Variants in TENM2 observed in about 807,000 individuals in gnomAD.
TENM2 encodes teneurin transmembrane protein 2.
Under a neutral mutation model 245.2 loss-of-function variants are expected in TENM2, and 52 were observed. The observed-to-expected ratio is 0.21, with a 90% confidence interval of 0.17 to 0.27. The LOEUF (loss-of-function observed/expected upper bound fraction) is 0.27. Ranked by LOEUF, TENM2 falls within the 10% of genes least tolerant of loss-of-function variation. TENM2 has a pLI of 1.00. For missense variants in TENM2, 3,046 were observed against 3,666.8 expected (o/e 0.83, Z 4.37); for synonymous variants, 1,363 against 1,438.9 (o/e 0.95, Z 1.19).
At chr5:167,619,446 G>C (rs749909290) in intron 2 of TENM2, among the ~76,000 whole-genome samples, 5 of 152,116 alleles carry the variant, frequency 3.3e-5, no homozygotes, top group Non-Finnish European at 7.4e-5. Context: ...ACCTAGAGGA[G>C]GGCATTATGG....
the TENM2 span, among the ~76,000 whole-genome samples, chr5:167,010,907 C>T: frequency 6.6e-6 from 1 of 152,102 alleles, no homozygotes; most frequent in South Asian, 2.1e-4. Flanking sequence ...GTGGTTTGCT[C>T]AGTACTTTAT....
intron 2 of TENM2, among the ~76,000 whole-genome samples, chr5:167,723,222 ACATCCTTG>A (rs932885859): frequency 3.9e-5 from 6 of 152,110 alleles, no homozygotes; most frequent in Non-Finnish European, 8.8e-5. Context: ...TTTTATTAAA[ACATCCTTG>A]CATGGTGACT....
intron 20 of TENM2, among the ~76,000 whole-genome samples, chr5:168,212,709 C>G (rs1488157913): frequency 6.6e-6 from 1 of 152,180 alleles, no homozygotes; most frequent in East Asian, 1.9e-4. Flanking sequence ...ATAGGCACCC[C>G]ATTTGAGCCA....
chr5:167,722,329 T>C (rs115380265), intron 2 of TENM2, among the ~76,000 whole-genome samples: 3,381 of 152,274 alleles, frequency 0.022, 109 homozygotes, highest in African/African-American at 0.074. Context: ...ATGCAAAGGA[T>C]GCTATGGTCA....
chr5:166,986,923 T>A, the TENM2 span, among the ~76,000 whole-genome samples: 9 of 147,388 alleles, frequency 6.1e-5, no homozygotes, highest in South Asian at 6.5e-4. Flanking sequence ...CATTTTTTTT[T>A]ATATTTGTTG....
chr5:168,218,487 A>G lies in TENM2; in HGVS notation c.4596A>G (p.Ser1532=). The G allele has an allele frequency of 6.2e-7, 1 of 1,614,082 alleles. No individual in the cohort carries two copies. The highest frequency in any genetic ancestry group is 8.5e-7 in the Non-Finnish European group (1 of 1,179,906). Reference sequence around the variant, plus strand: ...ACGATGTCAATTGCAACTGCTATTCAGGAGATGATGCCTACGCGACTGATG... The same window carrying G: ...ACGATGTCAATTGCAACTGCTATTCGGGAGATGATGCCTACGCGACTGATG... Residue 1532 remains serine, a synonymous_variant, in exon 23 of 29, where the codon TCA becomes TCG. Coordinates refer to ENST00000518659, the Ensembl canonical transcript of TENM2. This position sits in a 1 kb window ranked among gnomAD's most constrained non-coding sequence, Gnocchi z 5.2.
chr5:167,932,956 C>T (rs1778401266), intron 3 of TENM2, among the ~76,000 whole-genome samples: 1 of 152,118 alleles, frequency 6.6e-6, no homozygotes, highest in Non-Finnish European at 1.5e-5. Flanking sequence ...AAAGGGGGTT[C>T]ACATCTTTGC....
chr5:167,073,249 C>A, the TENM2 span, among the ~76,000 whole-genome samples: 1 of 152,156 alleles, frequency 6.6e-6, no homozygotes, highest in East Asian at 1.9e-4. Flanking sequence ...CAGTTACATC[C>A]AGCTTTTTAA....
chr5:167,841,202 G>A (rs540531522), intron 2 of TENM2, among the ~76,000 whole-genome samples: 15 of 151,804 alleles, frequency 9.9e-5, no homozygotes, highest in South Asian at 2.1e-4. Flanking sequence ...GATTACAGGC[G>A]CCCACCACCA....
At chr5:167,895,556 C>T (rs905566670) in intron 3 of TENM2, among the ~76,000 whole-genome samples, 1 of 152,202 alleles carries the variant, frequency 6.6e-6, no homozygotes, top group Non-Finnish European at 1.5e-5. Context: ...TACTACTTCG[C>T]AAAATATTAC....
intron 2 of TENM2, among the ~76,000 whole-genome samples, chr5:167,775,849 G>A (rs369897581): frequency 6.6e-6 from 1 of 152,114 alleles, no homozygotes; most frequent in East Asian, 1.9e-4. Flanking sequence ...GAAACAGTGT[G>A]CAAAATTATG....
intron 1 of TENM2, among the ~76,000 whole-genome samples, chr5:167,336,618 C>A (rs1474089937): frequency 6.6e-6 from 1 of 152,010 alleles, no homozygotes; most frequent in Non-Finnish European, 1.5e-5. Flanking sequence ...AAAGCATAGT[C>A]CAGCAAACTT....
chr5:167,546,023 A>G (rs930351562), intron 2 of TENM2, among the ~76,000 whole-genome samples: 2 of 152,356 alleles, frequency 1.3e-5, no homozygotes, highest in East Asian at 3.9e-4. Context: ...GAAGCAGCTC[A>G]TTCAATGTTC....
chr5:167,013,984 A>C, the TENM2 span, among the ~76,000 whole-genome samples: 1 of 152,202 alleles, frequency 6.6e-6, no homozygotes, highest in Non-Finnish European at 1.5e-5. Context: ...CACCAAGGCC[A>C]TCAATGAAGC....
chr5:167,030,463 C>G, the TENM2 span, among the ~76,000 whole-genome samples: 1 of 152,158 alleles, frequency 6.6e-6, no homozygotes, highest in South Asian at 2.1e-4. Context: ...CCCGTTACCC[C>G]CAGCGCTTTC....
intron 2 of TENM2, among the ~76,000 whole-genome samples, chr5:167,850,470 C>T (rs1302840806): frequency 6.6e-6 from 1 of 152,060 alleles, no homozygotes; most frequent in African/African-American, 2.4e-5. Flanking sequence ...AGAACAGACT[C>T]GGGACTGTAC....
At chr5:168,128,396 T>C (rs1796006365) in intron 12 of TENM2, among the ~76,000 whole-genome samples, 1 of 152,238 alleles carries the variant, frequency 6.6e-6, no homozygotes, top group Admixed American at 6.5e-5. Context: ...CCTGGTGTTA[T>C]TTACATGAAG....
At chr5:167,434,536 A>G (rs554381546) in intron 2 of TENM2, among the ~76,000 whole-genome samples, 2 of 152,106 alleles carry the variant, frequency 1.3e-5, no homozygotes, top group South Asian at 4.1e-4. Context: ...TGTTTTCAAA[A>G]TAAGTATTTT....
chr5:167,308,294 C>T (rs924289145), intron 1 of TENM2, among the ~76,000 whole-genome samples: 1 of 152,194 alleles, frequency 6.6e-6, no homozygotes, highest in East Asian at 1.9e-4. Flanking sequence ...AAGTCTCAGA[C>T]AAGTCTCTGT....
Sources: gnomAD v4.1 joint callset for allele counts (sites outside exome capture counted in the v4.1 genomes callset) on GRCh38, gnomAD v4.1.1 for gene constraint, Gnocchi (gnomAD v3.1) non-coding constraint, MANE v1.5 for transcripts, NCBI Gene and HGNC (gene_info 2026-07-23, HGNC 2026-07-21) for gene names.